CSMD1: variants seen among roughly 807,000 people sequenced by gnomAD.
CSMD1 encodes the protein CUB and Sushi multiple domains 1, also known as CUB and sushi domain-containing protein 1.
Under a neutral mutation model 417.5 loss-of-function variants are expected in CSMD1, and 213 were observed. The observed-to-expected ratio is 0.51, with a 90% confidence interval of 0.46 to 0.57. The LOEUF (loss-of-function observed/expected upper bound fraction) is 0.57, where lower values mean the gene tolerates loss of function less well. CSMD1 is among the 20% of genes least tolerant of loss of function. CSMD1 has a pLI of 0.00. For missense variants in CSMD1, 6,923 were observed against 4,529.7 expected, an observed-to-expected ratio of 1.53 and a Z score of -15.17; for synonymous variants, 2,862 against 1,736.8, an observed-to-expected ratio of 1.65 and a Z score of -16.11.
At chr8:4,415,392 A>T (rs910914894) in intron 3 of CSMD1, among the ~76,000 whole-genome samples, 11 of 152,054 alleles carry the variant, frequency 7.2e-5, no homozygotes, top group Admixed American at 6.5e-4. Context: ...GAGACCTTCT[A>T]TTCCGGGTTT....
At chr8:3,364,265 T>G (rs868287833) in intron 20 of CSMD1, among the ~76,000 whole-genome samples, 1 of 152,310 alleles carries the variant, frequency 6.6e-6, no homozygotes, top group Middle Eastern at 3.4e-3. Flanking sequence ...CCTGAAGAAT[T>G]TGTTTACTTT....
At chr8:4,534,506 G>A (rs1336365460) in intron 2 of CSMD1, among the ~76,000 whole-genome samples, 1 of 152,172 alleles carries the variant, frequency 6.6e-6, no homozygotes, top group Non-Finnish European at 1.5e-5. Flanking sequence ...GGGTACAGGT[G>A]TAGGATTGTT....
At chr8:3,773,743 G>C (rs1226834031) in intron 5 of CSMD1, among the ~76,000 whole-genome samples, 1 of 152,072 alleles carries the variant, frequency 6.6e-6, no homozygotes, top group East Asian at 1.9e-4. Context: ...AAGCATGATG[G>C]GCGGTGACAC....
chr8:4,895,102 G>C (rs1804389933), intron 1 of CSMD1, among the ~76,000 whole-genome samples: 1 of 152,072 alleles, frequency 6.6e-6, no homozygotes, highest in African/African-American at 2.4e-5. Flanking sequence ...CTCAGGAACT[G>C]GTTATTAAAG....
chr8:3,830,817 A>C (rs1219722151), intron 5 of CSMD1, among the ~76,000 whole-genome samples: 1 of 152,226 alleles, frequency 6.6e-6, no homozygotes, highest in African/African-American at 2.4e-5. Context: ...TAAAATAATT[A>C]GGAGTTATTA....
At chr8:4,136,942 T>A (rs2897641) in intron 3 of CSMD1, among the ~76,000 whole-genome samples, 56,131 of 152,034 alleles carry the variant, frequency 0.37, 10,909 homozygotes, top group African/African-American at 0.48. Context: ...GATTAAAATA[T>A]CATCAAAACC....
intron 3 of CSMD1, among the ~76,000 whole-genome samples, chr8:4,152,815 TAGTG>T (rs1443523864): frequency 6.6e-6 from 1 of 152,144 alleles, no homozygotes; most frequent in Non-Finnish European, 1.5e-5. Flanking sequence ...CATACACGTA[TAGTG>T]AGAGAGTAGG....
rs568188350 is a variant in CSMD1, at chr8:3,975,706, G to A, written c.818+22197C>T. 3.3e-5 allele frequency among the ~76,000 whole-genome samples: 5 copies of A among 152,278 alleles called. No individual in the cohort carries two copies. In the South Asian group the frequency reaches 1.0e-3, roughly 32 times the overall value. On this transcript the variant is annotated intron_variant, in intron 5 of 69. Coordinates refer to ENST00000635120, the MANE Select transcript of CSMD1 (RefSeq NM_033225.6). ...GATGATGGATTTAAAAGCCATGGTT[G>A]ACAACGACTTCATTACATGCAAACT... is the stretch of plus-strand genomic sequence containing the variant.
chr8:3,233,975 C>G (rs1334641906), intron 26 of CSMD1, among the ~76,000 whole-genome samples: 1 of 152,182 alleles, frequency 6.6e-6, no homozygotes, highest in African/African-American at 2.4e-5. Context: ...GCATCTATGT[C>G]TCTGTCAACA....
chr8:4,011,839 T>C (rs1373958818), intron 4 of CSMD1, among the ~76,000 whole-genome samples: 1 of 152,178 alleles, frequency 6.6e-6, no homozygotes, highest in Non-Finnish European at 1.5e-5. Context: ...TCATCTTTGG[T>C]ATCCATTGGG....
intron 3 of CSMD1, among the ~76,000 whole-genome samples, chr8:4,124,570 T>C (rs1357465013): frequency 6.6e-6 from 1 of 152,086 alleles, no homozygotes; most frequent in East Asian, 1.9e-4. Context: ...CTGCGCCCGG[T>C]AGTGGGGACC....
At chr8:3,445,466 AAC>A (rs1221490351) in intron 12 of CSMD1, among the ~76,000 whole-genome samples, 1 of 152,336 alleles carries the variant, frequency 6.6e-6, no homozygotes, top group African/African-American at 2.4e-5. Flanking sequence ...GGTCAACTTA[AAC>A]ACACAGCTCG....
intron 1 of CSMD1, among the ~76,000 whole-genome samples, chr8:4,868,542 G>A (rs773455188): frequency 2.0e-4 from 31 of 151,978 alleles, no homozygotes; most frequent in African/African-American, 7.3e-4. Flanking sequence ...AGTGTTAGTG[G>A]GATCATTATT....
At chr8:3,173,726 C>G (rs553582247) in intron 37 of CSMD1, among the ~76,000 whole-genome samples, 3 of 152,134 alleles carry the variant, frequency 2.0e-5, no homozygotes, top group Non-Finnish European at 4.4e-5. Flanking sequence ...TGGAGTTCTG[C>G]TTTCTCTATT....
rs117249557 is a variant in CSMD1 at position 3,018,212 on chromosome 8, T to C, written c.8029+265A>G. Among the ~76,000 whole-genome samples the C allele has an allele frequency of 5.6e-3, 849 of 152,342 alleles. 7 individuals are homozygous for C. Among genetic ancestry groups the C allele is most frequent in the African/African-American group, 0.019 (803 of 41,572 alleles). ...ATTTTTGTGTGTCCTAAAACCATGA[T>C]GGCATTTGAGTGCAGGTACATTCTC... On this transcript the variant is annotated intron_variant, in intron 52 of 69. Transcript: ENST00000635120.
In CSMD1 at chr8:3,182,840, AG is replaced by A. The variant is rs746430415; in HGVS notation, c.5621-1627del. Among the ~76,000 whole-genome samples the A allele has an allele frequency of 1.5e-4, 7 of 45,194 alleles. No individual in the cohort carries two copies. The East Asian group carries it at 5.2e-3, about 34-fold the overall frequency. The allele number at this position is 45,194 out of a possible 152,430, so 29.6% of individuals were successfully genotyped here. On this transcript the variant is annotated intron_variant, in intron 36 of 69. Transcript: ENST00000635120. ...GGACTCTGGCTGTCTCTTTATAAGAAGGTGTGTGTGTGTGTGTGTGTGTGTG... is the reference window on the plus strand; with the variant it reads ...GGACTCTGGCTGTCTCTTTATAAGAAGTGTGTGTGTGTGTGTGTGTGTGTG...
intron 17 of CSMD1, among the ~76,000 whole-genome samples, chr8:3,388,176 C>A (rs537690503): frequency 1.2e-4 from 18 of 152,208 alleles, no homozygotes; most frequent in South Asian, 8.3e-4. Context: ...AAAAACTGTG[C>A]TAGTGTTATT....
chr8:4,432,463 C>G (rs1480643807), intron 2 of CSMD1, among the ~76,000 whole-genome samples: 3 of 152,166 alleles, frequency 2.0e-5, no homozygotes, highest in Admixed American at 6.5e-5. Flanking sequence ...GACACAAAAA[C>G]TCAAGTATCA....
In CSMD1 at chr8:4,008,894, GC is replaced by G. The variant is rs200728629; in HGVS notation, c.611-10785del. On this transcript the variant is annotated intron_variant, in intron 4 of 69. Transcript: ENST00000635120. Reference sequence around the variant, plus strand: ...CAAAGTGCTGGGATTACAGGCGTGAGCCACCGCGCCCAGTCTGATTCAGTAT... The same window carrying G: ...CAAAGTGCTGGGATTACAGGCGTGAGCACCGCGCCCAGTCTGATTCAGTAT... Among the ~76,000 whole-genome samples, 1,017 of 152,202 alleles carry G rather than the reference GC, an allele frequency of 6.7e-3. 10 individuals carry two copies. Among genetic ancestry groups the G allele is most frequent in the African/African-American group, 0.024 (982 of 41,532 alleles).
Sources: gnomAD v4.1 joint callset for allele counts (sites outside exome capture counted in the v4.1 genomes callset) on GRCh38, gnomAD v4.1.1 for gene constraint, MANE v1.5 for transcripts, NCBI Gene and HGNC (gene_info 2026-07-23, HGNC 2026-07-21) for gene names.